Variants in ARHGAP15 observed in about 807,000 individuals in gnomAD.
ARHGAP15 encodes Rho GTPase activating protein 15, also known as rho GTPase-activating protein 15.
ARHGAP15 carries 51 observed loss-of-function variants against 63.7 expected under a neutral mutation model. That is an observed-to-expected ratio of 0.80 (90% CI 0.64 to 1.01). ARHGAP15 has a LOEUF of 1.01. Ranked by LOEUF, ARHGAP15 falls within the 50% of genes least tolerant of loss-of-function variation. The pLI is 0.00. For synonymous variants in ARHGAP15, 191 were observed against 193.8 expected (o/e 0.99, Z 0.12); for missense variants, 560 against 564.6 (o/e 0.99, Z 0.08).
chr2:143,180,639 A>T (rs931933233), intron 2 of ARHGAP15, among the ~76,000 whole-genome samples: 3 of 152,138 alleles, frequency 2.0e-5, no homozygotes, highest in Non-Finnish European at 4.4e-5. Flanking sequence ...ATCACTGCCT[A>T]TGCAGCTATA....
At chr2:143,527,709 G>A (rs909731592) in intron 10 of ARHGAP15, among the ~76,000 whole-genome samples, 2 of 152,006 alleles carry the variant, frequency 1.3e-5, no homozygotes, top group Non-Finnish European at 2.9e-5. Context: ...AGTACATGAT[G>A]TGCTCCCTCG....
intron 4 of ARHGAP15, among the ~76,000 whole-genome samples, chr2:143,223,958 T>C (rs1558824285): frequency 6.6e-6 from 1 of 152,226 alleles, no homozygotes; most frequent in Non-Finnish European, 1.5e-5. Context: ...GTCCATCTTC[T>C]TGTAGTTAGA....
chr2:143,755,901 G>A (rs577273570), intron 13 of ARHGAP15, among the ~76,000 whole-genome samples: 1 of 152,102 alleles, frequency 6.6e-6, no homozygotes, highest in African/African-American at 2.4e-5. Context: ...GGGAGGCAGA[G>A]GTTGCAGCGA....
chr2:143,546,993 C>G (rs1208779253), intron 10 of ARHGAP15, among the ~76,000 whole-genome samples: 2 of 152,082 alleles, frequency 1.3e-5, no homozygotes, highest in African/African-American at 4.8e-5. Flanking sequence ...CTCCAGAAAT[C>G]ATTTCAATTC....
chr2:143,466,890 G>A (rs998076714), intron 8 of ARHGAP15, among the ~76,000 whole-genome samples: 7 of 152,126 alleles, frequency 4.6e-5, no homozygotes, highest in Non-Finnish European at 1.0e-4. Context: ...ATGGCAAAAT[G>A]TACTTCTCAT....
chr2:143,723,248 A>C (rs890450533), intron 13 of ARHGAP15, among the ~76,000 whole-genome samples: 3 of 152,184 alleles, frequency 2.0e-5, no homozygotes, highest in Admixed American at 1.3e-4. Flanking sequence ...TGCATTTATC[A>C]GAATGTATCC....
At chr2:143,762,460 G>A (rs1331578227) in intron 13 of ARHGAP15, among the ~76,000 whole-genome samples, 1 of 152,164 alleles carries the variant, frequency 6.6e-6, no homozygotes, top group Non-Finnish European at 1.5e-5. Context: ...CCCTACCAGA[G>A]GGGTGGAACT....
At chr2:143,677,946 G>A (rs1188458507) in intron 12 of ARHGAP15, among the ~76,000 whole-genome samples, 1 of 152,204 alleles carries the variant, frequency 6.6e-6, no homozygotes, top group Non-Finnish European at 1.5e-5. Flanking sequence ...GGTAGCTCAT[G>A]CCTGTAATCC....
At chr2:143,459,564 G>C (rs1690827527) in intron 8 of ARHGAP15, among the ~76,000 whole-genome samples, 2 of 152,080 alleles carry the variant, frequency 1.3e-5, no homozygotes, top group Admixed American at 1.3e-4. Context: ...TATTTTATCT[G>C]TATTGCATAC....
chr2:143,621,535 T>A (rs1157399561), intron 11 of ARHGAP15, among the ~76,000 whole-genome samples: 2 of 152,156 alleles, frequency 1.3e-5, no homozygotes, highest in Non-Finnish European at 2.9e-5. Context: ...GAAAACTTGA[T>A]ATAAAAATTA....
chr2:143,679,654 CGTGTGTGTGTGTGTGTGTGT>C (rs60643761), intron 12 of ARHGAP15, among the ~76,000 whole-genome samples: 2 of 149,846 alleles, frequency 1.3e-5, no homozygotes, highest in Non-Finnish European at 3.0e-5. Flanking sequence ...TGCGTGTGTG[CGTGTGTGTGTGTGTGTGTGT>C]GTGTGTGTGT....
chr2:143,534,905 A>C (rs1241320263), intron 10 of ARHGAP15, among the ~76,000 whole-genome samples: 1 of 151,844 alleles, frequency 6.6e-6, no homozygotes, highest in African/African-American at 2.4e-5. Flanking sequence ...AAACAAAACA[A>C]AAAAACCTAT....
chr2:143,604,200 C>G (rs1163690143), intron 11 of ARHGAP15, among the ~76,000 whole-genome samples: 1 of 152,180 alleles, frequency 6.6e-6, no homozygotes, highest in Non-Finnish European at 1.5e-5. Context: ...TCTTTTGATC[C>G]TAGCTGTTTC....
chr2:143,215,488 T>C (rs1692719572), intron 3 of ARHGAP15, among the ~76,000 whole-genome samples: 1 of 152,100 alleles, frequency 6.6e-6, no homozygotes, highest in Non-Finnish European at 1.5e-5. Flanking sequence ...CTATTTCAGC[T>C]AGGGGGATAA....
intron 1 of ARHGAP15, among the ~76,000 whole-genome samples, chr2:143,151,642 G>C (rs1049897429): frequency 1.3e-5 from 2 of 152,080 alleles, no homozygotes; most frequent in East Asian, 3.9e-4. Flanking sequence ...GTTAGATTAA[G>C]CCTAAGTGAA....
intron 12 of ARHGAP15, among the ~76,000 whole-genome samples, chr2:143,693,695 C>T (rs1033937231): frequency 1.3e-5 from 2 of 152,212 alleles, no homozygotes; most frequent in African/African-American, 4.8e-5. Flanking sequence ...TTCCATACTA[C>T]GTATTAATGT....
chr2:143,369,006 A>G (rs1686423251), intron 6 of ARHGAP15, among the ~76,000 whole-genome samples: 1 of 152,162 alleles, frequency 6.6e-6, no homozygotes, highest in South Asian at 2.1e-4. Context: ...TCTTTATTGC[A>G]TAAATGAATA....
chr2:143,141,419 A>G (rs920763464), intron 1 of ARHGAP15, among the ~76,000 whole-genome samples: 6 of 152,138 alleles, frequency 3.9e-5, no homozygotes, highest in African/African-American at 7.2e-5. Context: ...TGACAAATAC[A>G]GTGTCTGACT....
intron 2 of ARHGAP15, among the ~76,000 whole-genome samples, chr2:143,168,533 C>A (rs145007095): frequency 5.3e-5 from 8 of 152,200 alleles, no homozygotes; most frequent in Middle Eastern, 3.4e-3. Context: ...ATCTTGCTGC[C>A]TTTCAAGTAA....
Sources: gnomAD v4.1 joint callset for allele counts (sites outside exome capture counted in the v4.1 genomes callset) on GRCh38, gnomAD v4.1.1 for gene constraint, MANE v1.5 for transcripts, NCBI Gene and HGNC (gene_info 2026-07-23, HGNC 2026-07-21) for gene names.